RPL35: variants seen among roughly 807,000 people sequenced by gnomAD.
RPL35 encodes ribosomal protein L35, also known as large ribosomal subunit protein uL29.
Under a neutral mutation model 15.6 loss-of-function variants are expected in RPL35, and 2 were observed. The observed-to-expected ratio is 0.13, with a 90% confidence interval of 0.05 to 0.40. The LOEUF (loss-of-function observed/expected upper bound fraction) is 0.40. RPL35 is among the 10% of genes least tolerant of loss of function. The probability of loss-of-function intolerance (pLI) is 0.99; values close to 1 mark genes in which losing one functional copy is unlikely to be tolerated. For missense variants in RPL35, 111 were observed against 164.7 expected (o/e 0.67, Z 1.79); for synonymous variants, 93 against 67.9 (o/e 1.37, Z -1.82).
At chr9:124,858,716 C>A (rs1185672790) in intron 3 of RPL35, among the ~76,000 whole-genome samples, 8 of 152,264 alleles carry the variant, frequency 5.3e-5, no homozygotes, top group South Asian at 2.1e-4. Context: ...GCAGCTCTCA[C>A]TGGTCTCTCC....
intron 2 of RPL35, among the ~76,000 whole-genome samples, chr9:124,860,658 A>G (rs765131199): frequency 6.6e-6 from 1 of 152,216 alleles, no homozygotes; most frequent in Non-Finnish European, 1.5e-5. Context: ...TGGAGTCACT[A>G]CAAGCCAGGA....
chr9:124,858,237 G>T, intron 3 of RPL35, 170 bp from the exon 4 acceptor site: 1 of 647,828 alleles, frequency 1.5e-6, no homozygotes. Flanking sequence ...CAAATCTAAG[G>T]CTGGTGGGAC....
intron 2 of RPL35, among the ~76,000 whole-genome samples, chr9:124,860,481 A>C (rs1829180016): frequency 6.6e-6 from 1 of 152,198 alleles, no homozygotes; most frequent in South Asian, 2.1e-4. Flanking sequence ...TGGATAAATG[A>C]GGCAGATCAG....
intron 2 of RPL35, 76 bp from the exon 3 acceptor site, chr9:124,860,340 A>T: frequency 8.3e-7 from 1 of 1,202,472 alleles, no homozygotes; most frequent in Non-Finnish European, 1.2e-6. Flanking sequence ...CACATAGGGC[A>T]GCAATAGCTG....
intron 1 of RPL35, 38 bp from the exon 2 acceptor site, chr9:124,861,593 G>A (rs1423087947): frequency 1.9e-6 from 3 of 1,608,326 alleles, no homozygotes; most frequent in Admixed American, 1.7e-5. Context: ...CCAGGCCGCG[G>A]GGCCATATCC....
intron 1 of RPL35, 23 bp downstream of exon 1, chr9:124,861,887 G>A (rs1187219152): frequency 1.2e-6 from 2 of 1,602,910 alleles, no homozygotes; most frequent in Admixed American, 1.7e-5. Context: ...CGCTCGGATG[G>A]CGCCCGATTC....
rs757330545 is a variant in RPL35 at position 124,861,511 on chromosome 9, C to T, written c.48G>A (p.Glu16=). 2.5e-6 allele frequency: 4 copies of T among 1,614,080 alleles called. No homozygotes were observed. In the South Asian group the frequency reaches 4.4e-5, roughly 18 times the overall value. The stretch of plus-strand genomic sequence containing the variant: ...TCAGGTCGTCCAGCTGTTTCAGCAG[C>T]TCCTCCTTCTTCTTCCCGCGAAGAT... The part of the protein sequence containing the change: ...ARDLRGKKKE[E]LLKQLDDLKV... The change falls in exon 2 of 4, where the codon GAG becomes GAA. Residue 16 remains glutamate (E), a synonymous_variant. Transcript: ENST00000348462.
intron 2 of RPL35, 109 bp downstream of exon 2, chr9:124,861,310 G>C: frequency 7.4e-7 from 1 of 1,358,626 alleles, no homozygotes; most frequent in Non-Finnish European, 1.0e-6. Context: ...GATGCACGGA[G>C]TGGGCATCTA....
Position 124,861,568 on chromosome 9 carries a change from G to GA in RPL35, c.4-14dup. Reference sequence around the variant, plus strand: ...CCTTGATCTTGGCCTGCGCGCAAGAGAGAGTGTGCCTCAGCCAGGCCGCGG... The same window carrying GA: ...CCTTGATCTTGGCCTGCGCGCAAGAGAAGAGTGTGCCTCAGCCAGGCCGCGG... On this transcript the variant is annotated splice_polypyrimidine_tract_variant and intron_variant, in intron 1 of 3. Coordinates refer to ENST00000348462, the MANE Select transcript of RPL35 (RefSeq NM_007209.4). 1 of 1,613,280 alleles carries GA rather than the reference G, an allele frequency of 6.2e-7. No homozygotes were observed. The highest frequency in any genetic ancestry group is 1.1e-5 in the South Asian group (1 of 90,984).
intron 2 of RPL35, among the ~76,000 whole-genome samples, chr9:124,860,721 G>A (rs1417130806): frequency 1.3e-5 from 2 of 152,210 alleles, no homozygotes; most frequent in African/African-American, 2.4e-5. Flanking sequence ...ATGTCAGGAT[G>A]AGGGAGTCAC....
chr9:124,860,284 G>C lies in RPL35; in HGVS notation c.141-20C>G, dbSNP rs1386969619. 6.3e-7 allele frequency: 1 copy of C among 1,599,806 alleles called. No individual in the cohort carries two copies. Among genetic ancestry groups the C allele is most frequent in the South Asian group, 1.1e-5 (1 of 90,800 alleles). On this transcript the variant is annotated intron_variant, in intron 2 of 3. Transcript: ENST00000348462. Reference sequence around the variant, plus strand: ...ACTCGGCTACAAAACAGAGATGTCAGTGAAGATAGGGAAGACACATAGCAC... The same window carrying C: ...ACTCGGCTACAAAACAGAGATGTCACTGAAGATAGGGAAGACACATAGCAC...
chr9:124,858,529 A>G (rs1245212161), intron 3 of RPL35: 1 of 715,514 alleles, frequency 1.4e-6, no homozygotes, highest in East Asian at 2.7e-5. Context: ...AGGGCCCACC[A>G]GCTGCTGCCT....
chr9:124,861,719 G>C, intron 1 of RPL35, 164 bp from the exon 2 acceptor site: 1 of 1,328,982 alleles, frequency 7.5e-7, no homozygotes, highest in Non-Finnish European at 1.0e-6. Context: ...CTTGGGCAGA[G>C]TAACCCAGGC....
At position 124,858,054 on chromosome 9, in the gene RPL35, T is replaced by C; in HGVS notation, c.236A>G (p.Lys79Arg). The C allele has an allele frequency of 3.7e-6, 6 of 1,612,472 alleles. No individual in the cohort carries two copies. The highest frequency in any genetic ancestry group is 5.1e-6 in the Non-Finnish European group (6 of 1,179,958). ...CTTCTTAGGCCGCAGGTCCAGGGGC[T>C]TGTACTTCTTGCCCTGGGAGACAGA... ...LRKFYKGKKY[K>R]PLDLRPKKTR... Residue 79 changes from lysine (K) to arginine (R), a missense_variant, in exon 4 of 4, where the codon AAG becomes AGG. Coordinates refer to ENST00000348462, the MANE Select transcript of RPL35 (RefSeq NM_007209.4).
At chr9:124,861,785 G>C in intron 1 of RPL35, 125 bp downstream of exon 1, 7 of 1,393,820 alleles carry the variant, frequency 5.0e-6, no homozygotes, top group Non-Finnish European at 6.7e-6. Context: ...GGTGGCGCCA[G>C]ACCATTCTGC....
At chr9:124,861,097 A>G (rs934764323) in intron 2 of RPL35, 1 of 306,362 alleles carries the variant, frequency 3.3e-6, no homozygotes, top group African/African-American at 2.2e-5. Flanking sequence ...AAAATAACTT[A>G]CGCTGCCACT....
rs779296546 is a variant in RPL35 at position 124,858,038 on chromosome 9, C to T, written c.252G>A (p.Arg84=). 1 of 1,612,566 alleles carries T rather than the reference C, an allele frequency of 6.2e-7. No individual in the cohort carries two copies. The highest frequency in any genetic ancestry group is 8.5e-7 in the Non-Finnish European group (1 of 1,180,004). Residue 84 remains arginine, a synonymous_variant, in exon 4 of 4, where the codon CGG becomes CGA. Coordinates refer to ENST00000348462, the MANE Select transcript of RPL35 (RefSeq NM_007209.4). ...GGCGCATGGCACGTGTCTTCTTAGG[C>T]CGCAGGTCCAGGGGCTTGTACTTCT... The part of the protein sequence containing the change: ...KGKKYKPLDL[R]PKKTRAMRRR...
chr9:124,857,960 C>T lies in RPL35; in HGVS notation c.330G>A (p.Lys110=), dbSNP rs893204919. ...ACTTCCGCAGCGGGTACAGCCGCTC[C>T]TTCCGCTGCTGCTTCTTGGTCTTCA... is the stretch of plus-strand genomic sequence containing the variant. ...ENLKTKKQQR[K]ERLYPLRKYA... The change falls in exon 4 of 4, where the codon AAG becomes AAA. Residue 110 remains lysine (K), a synonymous_variant. Transcript: ENST00000348462. 1.2e-6 allele frequency: 2 copies of T among 1,612,282 alleles called. No homozygotes were observed. Among genetic ancestry groups the T allele is most frequent in the African/African-American group, 1.3e-5 (1 of 75,006 alleles).
chr9:124,860,327 TCA>T (rs1829177394), intron 2 of RPL35, 63 bp from the exon 3 acceptor site: 1 of 1,337,778 alleles, frequency 7.5e-7, no homozygotes, highest in Non-Finnish European at 1.1e-6. Context: ...GACTCAGGAC[TCA>T]CACATAGGGC....
Sources: allele counts gnomAD v4.1 joint callset (sites outside exome capture counted in the v4.1 genomes callset), GRCh38; gene constraint gnomAD v4.1.1; transcripts MANE v1.5; gene names NCBI Gene and HGNC (gene_info 2026-07-23, HGNC 2026-07-21).